Variants in DCTN6 observed in about 807,000 individuals in gnomAD.
DCTN6 encodes dynactin 6.
Under a neutral mutation model 25.8 loss-of-function variants are expected in DCTN6, and 15 were observed. The observed-to-expected ratio is 0.58, with a 90% CI of 0.39 to 0.89. DCTN6 has a LOEUF of 0.89. DCTN6 is among the 40% of genes least tolerant of loss of function. The probability of loss-of-function intolerance (pLI) is 0.00; values close to 1 mark genes in which losing one functional copy is unlikely to be tolerated. For missense variants in DCTN6, 198 were observed against 237.6 expected (o/e 0.83, Z 1.09); for synonymous variants, 64 against 78.3 (o/e 0.82, Z 0.96).
chr8:30,169,901 G>A (rs1000819764), intron 2 of DCTN6, among the ~76,000 whole-genome samples: 1 of 152,156 alleles, frequency 6.6e-6, no homozygotes, highest in Non-Finnish European at 1.5e-5. Flanking sequence ...GGCCAGAGGC[G>A]GTGGCTCACG....
intron 4 of DCTN6, 23 bp from the exon 5 acceptor site, chr8:30,179,385 A>G: frequency 6.2e-7 from 1 of 1,600,098 alleles, no homozygotes; most frequent in Non-Finnish European, 8.6e-7. Context: ...TATTTGTAGT[A>G]TTTACCTAAC....
rs545168910 is a variant in DCTN6, at chr8:30,157,944, A to G, written c.23+1538A>G. 5.9e-5 allele frequency among the ~76,000 whole-genome samples: 9 copies of G among 152,348 alleles called. No individual in the cohort carries two copies. In the South Asian group the frequency reaches 1.9e-3, roughly 32 times the overall value. Reference sequence around the variant, plus strand: ...AGTAGATAGCAGTAGATAGTAGCTTACAGTGAAGATTAAGGTATTGTTGAC... The same window carrying G: ...AGTAGATAGCAGTAGATAGTAGCTTGCAGTGAAGATTAAGGTATTGTTGAC... On this transcript the variant is annotated intron_variant, in intron 1 of 6. Transcript: ENST00000221114.
intron 3 of DCTN6, 106 bp from the exon 4 acceptor site, chr8:30,177,020 G>A: frequency 1.3e-6 from 1 of 768,306 alleles, no homozygotes; most frequent in South Asian, 1.7e-5. Flanking sequence ...TGTCTTTTAA[G>A]CTTGATGTAG....
In DCTN6 at chr8:30,175,215, A is replaced by C. The variant is rs753505522; in HGVS notation, c.194+25A>C. On this transcript the variant is annotated intron_variant, in intron 3 of 6. Coordinates refer to ENST00000221114, the MANE Select transcript of DCTN6 (RefSeq NM_006571.4). ...CGTAAGACTCTTATACATACTGTGAACCAAGTACCATGGGTAACGGTTTTT... is the reference window on the plus strand; with the variant it reads ...CGTAAGACTCTTATACATACTGTGACCCAAGTACCATGGGTAACGGTTTTT... 9 of 1,592,952 alleles carry C rather than the reference A, an allele frequency of 5.6e-6. No homozygotes were observed. The Admixed American group carries it at 8.4e-5, about 15-fold the overall frequency.
Position 30,164,171 on chromosome 8 carries a change from T to A in DCTN6, c.84T>A (p.Thr28=). 1 of 1,610,056 alleles carries A rather than the reference T, an allele frequency of 6.2e-7. No homozygotes were observed. Among genetic ancestry groups the A allele is most frequent in the Non-Finnish European group, 8.5e-7 (1 of 1,176,248 alleles). The part of the protein sequence containing the change: ...CVESEIRGDV[T]IGPRTVIHPK... Reference sequence around the variant, plus strand: ...AAAGTGAAATCAGAGGAGATGTAACTATCGGTAAGAAATAGTTTATTTACT... The same window carrying A: ...AAAGTGAAATCAGAGGAGATGTAACAATCGGTAAGAAATAGTTTATTTACT... The change falls in exon 2 of 7, where the codon ACT becomes ACA. Residue 28 remains threonine, a synonymous_variant. Coordinates refer to ENST00000221114, the MANE Select transcript of DCTN6 (RefSeq NM_006571.4).
At chr8:30,170,529 A>G (rs1463648196) in intron 2 of DCTN6, among the ~76,000 whole-genome samples, 2 of 152,156 alleles carry the variant, frequency 1.3e-5, no homozygotes, top group African/African-American at 4.8e-5. Context: ...TTTAATAATT[A>G]TTAATAATGA....
At position 30,183,244 on chromosome 8, in the gene DCTN6, T is replaced by G; in HGVS notation, c.*71T>G. ...CTTTTGAATGGGCCCACAGTGTTTA[T>G]GTACTCTTAACAACTCACAGAATAA... is the stretch of plus-strand genomic sequence containing the variant. On this transcript the variant is annotated 3_prime_UTR_variant, in exon 7 of 7. Transcript: ENST00000221114. 3 of 1,261,984 alleles carry G rather than the reference T, an allele frequency of 2.4e-6. No individual in the cohort carries two copies. The highest frequency in any genetic ancestry group is 2.4e-5 in the East Asian group (1 of 41,948). 78.2% of individuals were successfully genotyped at this position (1,261,984 alleles called of 1,614,324 possible).
intron 6 of DCTN6, among the ~76,000 whole-genome samples, chr8:30,181,421 TTA>T (rs570991282): frequency 1.4e-3 from 220 of 152,268 alleles, no homozygotes; most frequent in African/African-American, 4.8e-3. Flanking sequence ...GCTTGAGAAA[TTA>T]TCTCCTCCTA....
At chr8:30,159,304 G>C (rs1320285144) in intron 1 of DCTN6, among the ~76,000 whole-genome samples, 1 of 151,748 alleles carries the variant, frequency 6.6e-6, no homozygotes, top group Non-Finnish European at 1.5e-5. Flanking sequence ...ATGGCGGTGT[G>C]AAGGTTTGTC....
chr8:30,180,425 GA>G (rs973116044), intron 5 of DCTN6, 62 bp from the exon 6 acceptor site: 10 of 1,559,308 alleles, frequency 6.4e-6, no homozygotes, highest in African/African-American at 2.8e-5. Flanking sequence ...ATCACCTTAA[GA>G]AAAAAAGTGT....
intron 3 of DCTN6, among the ~76,000 whole-genome samples, chr8:30,175,989 G>A (rs547998347): frequency 6.6e-6 from 1 of 152,282 alleles, no homozygotes; most frequent in South Asian, 2.1e-4. Flanking sequence ...CAGAGATAAA[G>A]CACCATTTAA....
chr8:30,161,124 T>C (rs1212228933), intron 1 of DCTN6, among the ~76,000 whole-genome samples: 3 of 152,164 alleles, frequency 2.0e-5, no homozygotes, highest in Admixed American at 2.0e-4. Flanking sequence ...CATGCTGTTC[T>C]TGTGAAACCT....
At chr8:30,180,436 T>C in intron 5 of DCTN6, 52 bp from the exon 6 acceptor site, 4 of 1,573,518 alleles carry the variant, frequency 2.5e-6, no homozygotes, top group Middle Eastern at 1.8e-4. Context: ...AAAAAAAGTG[T>C]TGGAATCATT....
intron 1 of DCTN6, among the ~76,000 whole-genome samples, chr8:30,159,655 T>G (rs1178574869): frequency 6.6e-6 from 1 of 152,190 alleles, no homozygotes; most frequent in African/African-American, 2.4e-5. Context: ...TTCTCTAAAA[T>G]CTACCCCTCC....
chr8:30,180,089 G>A (rs1273015897), intron 5 of DCTN6, among the ~76,000 whole-genome samples: 1 of 151,920 alleles, frequency 6.6e-6, no homozygotes, highest in African/African-American at 2.4e-5. Context: ...ATTTTAATTT[G>A]GATTATCAAT....
At chr8:30,170,883 C>A (rs1803754218) in intron 2 of DCTN6, among the ~76,000 whole-genome samples, 1 of 152,082 alleles carries the variant, frequency 6.6e-6, no homozygotes, top group Non-Finnish European at 1.5e-5. Context: ...GATCCACCTG[C>A]CTCGGTCTCC....
At chr8:30,173,743 AAAAAAAAAAAAC>A (rs1803794278) in intron 2 of DCTN6, among the ~76,000 whole-genome samples, 1 of 148,534 alleles carries the variant, frequency 6.7e-6, no homozygotes, top group African/African-American at 2.6e-5. Context: ...AAAAAAAAAA[AAAAAAAAAAAAC>A]CAGTTTACAC....
intron 6 of DCTN6, among the ~76,000 whole-genome samples, chr8:30,181,831 A>T (rs1298417357): frequency 6.6e-6 from 1 of 151,212 alleles, no homozygotes; most frequent in Non-Finnish European, 1.5e-5. Flanking sequence ...TCAGGGCTGC[A>T]GTAAGCTGTT....
intron 5 of DCTN6, among the ~76,000 whole-genome samples, chr8:30,180,112 C>T (rs1313017376): frequency 6.6e-6 from 1 of 152,162 alleles, no homozygotes; most frequent in Non-Finnish European, 1.5e-5. Flanking sequence ...TCACTATTAT[C>T]ATCAGCATTT....
Sources: allele counts gnomAD v4.1 joint callset (sites outside exome capture counted in the v4.1 genomes callset), GRCh38; gene constraint gnomAD v4.1.1; transcripts MANE v1.5; gene names NCBI Gene and HGNC (gene_info 2026-07-23, HGNC 2026-07-21).